XRCC4: variants seen among roughly 807,000 people sequenced by gnomAD.
The protein encoded by XRCC4 is X-ray repair cross complementing 4.
Under a neutral mutation model 39.1 loss-of-function variants are expected in XRCC4, and 28 were observed. That is an observed-to-expected ratio of 0.72 (90% CI 0.53 to 0.98). The LOEUF (loss-of-function observed/expected upper bound fraction) is 0.98, where lower values mean the gene tolerates loss of function less well. XRCC4 is among the 50% of genes least tolerant of loss of function. XRCC4 has a pLI of 0.00. For missense variants in XRCC4, 350 were observed against 376.4 expected (o/e 0.93, Z 0.58); for synonymous variants, 123 against 126.4 (o/e 0.97, Z 0.18).
chr5:83,291,231 A>G (rs1754910610), intron 7 of XRCC4, among the ~76,000 whole-genome samples: 1 of 151,820 alleles, frequency 6.6e-6, no homozygotes, highest in South Asian at 2.1e-4. Flanking sequence ...GATTTGCCAC[A>G]AGTTTGTGTG....
intron 3 of XRCC4, among the ~76,000 whole-genome samples, chr5:83,193,108 C>T (rs1750785560): frequency 6.6e-6 from 1 of 152,150 alleles, no homozygotes; most frequent in Non-Finnish European, 1.5e-5. Flanking sequence ...CTTCTCAACT[C>T]ATTAAGCCTG....
intron 7 of XRCC4, among the ~76,000 whole-genome samples, chr5:83,291,935 T>A (rs1316957006): frequency 1.4e-5 from 2 of 140,116 alleles, no homozygotes; most frequent in African/African-American, 5.5e-5. Context: ...ATACTATATA[T>A]GTTATATGTG....
At chr5:83,185,785 T>C (rs1281050184) in intron 3 of XRCC4, among the ~76,000 whole-genome samples, 1 of 152,098 alleles carries the variant, frequency 6.6e-6, no homozygotes, top group Non-Finnish European at 1.5e-5. Context: ...AAGGAGAGAA[T>C]AGATTGCTAA....
intron 7 of XRCC4, among the ~76,000 whole-genome samples, chr5:83,274,015 C>G (rs1339659711): frequency 1.3e-5 from 2 of 152,052 alleles, no homozygotes; most frequent in African/African-American, 4.8e-5. Flanking sequence ...TGTGAGCAAG[C>G]TACTTAATGA....
At chr5:83,249,280 A>G (rs1753222722) in intron 6 of XRCC4, among the ~76,000 whole-genome samples, 1 of 152,138 alleles carries the variant, frequency 6.6e-6, no homozygotes, top group South Asian at 2.1e-4. Flanking sequence ...TTATTTGACC[A>G]TTTGGTATAG....
intron 7 of XRCC4, among the ~76,000 whole-genome samples, chr5:83,304,852 C>T (rs887156815): frequency 2.0e-5 from 3 of 152,066 alleles, no homozygotes; most frequent in Non-Finnish European, 2.9e-5. Flanking sequence ...AAAATATCTG[C>T]TAAATTGAAT....
Position 83,159,916 on chromosome 5 carries a change from T to C in XRCC4, c.316-35854T>C, listed in dbSNP as rs138898032. ...TGTCCCATTATCACCTATATTGCAC[T>C]GTGAATATTTTTAGAGCCTCTGAAA... On this transcript the variant is annotated intron_variant, in intron 3 of 7. Coordinates refer to ENST00000396027, the MANE Select transcript of XRCC4 (RefSeq NM_003401.5). Among the ~76,000 whole-genome samples, 622 of 152,260 alleles carry C rather than the reference T, an allele frequency of 4.1e-3. 2 individuals carry two copies. The highest frequency in any genetic ancestry group is 0.011 in the African/African-American group (475 of 41,572).
chr5:83,239,656 C>G (rs1208717543), intron 6 of XRCC4, among the ~76,000 whole-genome samples: 1 of 141,168 alleles, frequency 7.1e-6, no homozygotes, highest in South Asian at 2.1e-4. Context: ...GGTGAAACCC[C>G]GTCTCTACTA....
At chr5:83,230,486 A>G (rs549475283) in intron 6 of XRCC4, among the ~76,000 whole-genome samples, 40 of 152,026 alleles carry the variant, frequency 2.6e-4, no homozygotes, top group Admixed American at 1.5e-3. Flanking sequence ...TTCTGTTACA[A>G]AGGAGATTGT....
intron 3 of XRCC4, among the ~76,000 whole-genome samples, chr5:83,150,610 A>G (rs750029123): frequency 6.6e-6 from 1 of 152,158 alleles, no homozygotes; most frequent in Non-Finnish European, 1.5e-5. Context: ...GACTGAGGGT[A>G]CAACATAAAT....
chr5:83,303,653 A>C (rs558230420), intron 7 of XRCC4, among the ~76,000 whole-genome samples: 91 of 152,180 alleles, frequency 6.0e-4, no homozygotes, highest in Non-Finnish European at 1.1e-3. Context: ...TAACTTCCAA[A>C]ACTCAAATAC....
chr5:83,192,231 G>GTATGTATATGCATATATA (rs1431934704), intron 3 of XRCC4, among the ~76,000 whole-genome samples: 2 of 123,170 alleles, frequency 1.6e-5, no homozygotes, highest in Non-Finnish European at 3.8e-5. Flanking sequence ...ATGCATATAT[G>GTATGTATATGCATATATA]TATGTATATG....
At position 83,157,173 on chromosome 5, in the gene XRCC4, A is replaced by G. The variant is rs571575056; in HGVS notation, c.316-38597A>G. Among the ~76,000 whole-genome samples, 18 of 152,242 alleles carry G rather than the reference A, an allele frequency of 1.2e-4. No individual in the cohort carries two copies. The South Asian group carries it at 3.7e-3, about 32-fold the overall frequency. On this transcript the variant is annotated intron_variant, in intron 3 of 7. Coordinates refer to ENST00000396027, the MANE Select transcript of XRCC4 (RefSeq NM_003401.5). ...TGCAAGTCTTCTAGCAGCCTATCTT[A>G]TAACTCCCAAGTAAAGAGTAAGCTG...
intron 6 of XRCC4, among the ~76,000 whole-genome samples, chr5:83,258,199 A>G (rs1337908701): frequency 1.3e-5 from 2 of 152,120 alleles, no homozygotes; most frequent in Admixed American, 6.6e-5. Flanking sequence ...AAAAAAAACT[A>G]TGCAGTTTTG....
chr5:83,208,326 T>C (rs533838982), intron 6 of XRCC4, among the ~76,000 whole-genome samples: 1 of 152,154 alleles, frequency 6.6e-6, no homozygotes, highest in South Asian at 2.1e-4. Flanking sequence ...TACCTTACTG[T>C]CCCATTTAAA....
chr5:83,280,489 A>C, intron 7 of XRCC4: 1 of 833,282 alleles, frequency 1.2e-6, no homozygotes, highest in Admixed American at 2.1e-5. Flanking sequence ...ATGTAGTAGA[A>C]GAGTTCTGCT....
At chr5:83,104,488 G>GT (rs532514624) in intron 1 of XRCC4, among the ~76,000 whole-genome samples, 86 of 150,654 alleles carry the variant, frequency 5.7e-4, no homozygotes, top group Admixed American at 1.3e-3. Flanking sequence ...ATAATTTTTT[G>GT]TTTTTTTTTA....
intron 3 of XRCC4, among the ~76,000 whole-genome samples, chr5:83,121,716 C>G (rs1747016423): frequency 6.6e-6 from 1 of 152,118 alleles, no homozygotes; most frequent in African/African-American, 2.4e-5. Flanking sequence ...CTTTGAGGAA[C>G]TTACTTTTTT....
intron 3 of XRCC4, among the ~76,000 whole-genome samples, chr5:83,174,341 T>A (rs996401974): frequency 5.9e-5 from 9 of 152,096 alleles, no homozygotes; most frequent in African/African-American, 1.7e-4. Flanking sequence ...TCTTTAAAAA[T>A]TTTTTTTGAA....
Sources: gnomAD v4.1 joint callset for allele counts (sites outside exome capture counted in the v4.1 genomes callset) on GRCh38, gnomAD v4.1.1 for gene constraint, MANE v1.5 for transcripts, NCBI Gene and HGNC (gene_info 2026-07-23, HGNC 2026-07-21) for gene names.